KLHL2: variants seen among roughly 807,000 people sequenced by gnomAD.
KLHL2 encodes the protein kelch-like protein 2.
KLHL2 carries 15 observed loss-of-function variants against 75.8 expected under a neutral mutation model. The observed-to-expected ratio is 0.20, with a 90% confidence interval of 0.13 to 0.30. KLHL2 has a LOEUF of 0.30. Among genes scored for constraint, KLHL2 ranks in the 10% least tolerant of loss-of-function variants. The pLI is 1.00. For missense variants in KLHL2, 381 were observed against 741.0 expected (o/e 0.51, Z 5.64); for synonymous variants, 214 against 251.9 (o/e 0.85, Z 1.42).
intron 13 of KLHL2, among the ~76,000 whole-genome samples, chr4:165,315,820 C>T (rs940286924): frequency 5.9e-5 from 9 of 151,862 alleles, no homozygotes; most frequent in East Asian, 1.9e-4. Flanking sequence ...CAATGTTAAG[C>T]GGGGAGAGGT....
chr4:165,209,951 C>A, intron 1 of KLHL2: 1 of 1,400,656 alleles, frequency 7.1e-7, no homozygotes, highest in Non-Finnish European at 9.4e-7. Context: ...ATCCCTCCAC[C>A]ATGGATCCCG....
chr4:165,300,646 G>A (rs1373968478), intron 8 of KLHL2, among the ~76,000 whole-genome samples: 1 of 152,050 alleles, frequency 6.6e-6, no homozygotes, highest in African/African-American at 2.4e-5. Flanking sequence ...AATTCCTTCT[G>A]CTCTGTTTAC....
At chr4:165,294,010 G>T (rs1028618703) in intron 5 of KLHL2, among the ~76,000 whole-genome samples, 4 of 152,016 alleles carry the variant, frequency 2.6e-5, no homozygotes, top group Non-Finnish European at 4.4e-5. Context: ...TAATCAAAAG[G>T]TTTTACAAAT....
intron 11 of KLHL2, among the ~76,000 whole-genome samples, chr4:165,312,689 T>A (rs1406880424): frequency 6.6e-6 from 1 of 152,246 alleles, no homozygotes; most frequent in African/African-American, 2.4e-5. Flanking sequence ...GTCTACTTTC[T>A]ATCACTTAGA....
At chr4:165,259,250 G>A (rs1741451075) in intron 4 of KLHL2, among the ~76,000 whole-genome samples, 1 of 151,944 alleles carries the variant, frequency 6.6e-6, no homozygotes, top group Non-Finnish European at 1.5e-5. Flanking sequence ...TTACAGGTGT[G>A]CACCACCATG....
chr4:165,254,110 T>C (rs1417056313), intron 4 of KLHL2, among the ~76,000 whole-genome samples: 1 of 152,268 alleles, frequency 6.6e-6, no homozygotes, highest in East Asian at 1.9e-4. Context: ...TCGTTCTGTT[T>C]GTGTCAACAT....
At chr4:165,224,380 G>A (rs866830636) in intron 2 of KLHL2, among the ~76,000 whole-genome samples, 1 of 152,064 alleles carries the variant, frequency 6.6e-6, no homozygotes, top group African/African-American at 2.4e-5. Flanking sequence ...AGTTGAAAGT[G>A]TTCAGTAAGG....
intron 5 of KLHL2, among the ~76,000 whole-genome samples, chr4:165,267,036 A>T (rs557860851): frequency 6.6e-6 from 1 of 152,118 alleles, no homozygotes; most frequent in Admixed American, 6.5e-5. Flanking sequence ...GGTCCTTCAT[A>T]TCCCTTGTAA....
intron 8 of KLHL2, among the ~76,000 whole-genome samples, chr4:165,304,409 C>G (rs1442277796): frequency 1.3e-5 from 2 of 152,096 alleles, no homozygotes; most frequent in African/African-American, 4.8e-5. Flanking sequence ...CAAATCTCCT[C>G]TTTTTGTGTA....
chr4:165,272,463 C>A (rs1448169065), intron 5 of KLHL2, among the ~76,000 whole-genome samples: 1 of 152,182 alleles, frequency 6.6e-6, no homozygotes, highest in Non-Finnish European at 1.5e-5. Flanking sequence ...ATTAGGAAAA[C>A]CAAGAAAGCT....
intron 5 of KLHL2, chr4:165,279,689 G>A: frequency 6.5e-7 from 1 of 1,538,796 alleles, no homozygotes; most frequent in South Asian, 1.1e-5. Context: ...CGGTTTCCTG[G>A]GTGACGGCGG....
At chr4:165,262,837 C>T (rs929287358) in intron 4 of KLHL2, among the ~76,000 whole-genome samples, 2 of 152,128 alleles carry the variant, frequency 1.3e-5, no homozygotes, top group Non-Finnish European at 2.9e-5. Flanking sequence ...TCTTGGCCTC[C>T]CAAAGTGCCG....
chr4:165,278,616 C>T, intron 5 of KLHL2: 2 of 1,589,254 alleles, frequency 1.3e-6, no homozygotes, highest in East Asian at 2.2e-5. Context: ...TTTTCAATTT[C>T]TTCTGAGGTC....
At chr4:165,251,016 A>G (rs1355101089) in intron 4 of KLHL2, among the ~76,000 whole-genome samples, 2 of 152,204 alleles carry the variant, frequency 1.3e-5, no homozygotes, top group South Asian at 2.1e-4. Context: ...AGCAGTGTCT[A>G]TGGAAGGCTT....
In KLHL2 at chr4:165,322,940, T is replaced by C. The variant is rs915049790; in HGVS notation, c.*880T>C. 6.6e-6 allele frequency: 1 copy of C among 152,614 alleles called. No individual in the cohort carries two copies. Among genetic ancestry groups the C allele is most frequent in the African/African-American group, 2.4e-5 (1 of 41,450 alleles). The allele number at this position is 152,614 out of a possible 1,614,324, so 9.5% of individuals were successfully genotyped here. ...GCAGGTTTTTGATGAATATAATGAA[T>C]GTATGGAATTCAATTGAATTTGCAT... On this transcript the variant is annotated 3_prime_UTR_variant, in exon 15 of 15. Coordinates refer to ENST00000226725, the MANE Select transcript of KLHL2 (RefSeq NM_007246.4).
chr4:165,274,754 G>T (rs1397088904), intron 5 of KLHL2, among the ~76,000 whole-genome samples: 1 of 152,164 alleles, frequency 6.6e-6, no homozygotes, highest in Non-Finnish European at 1.5e-5. Flanking sequence ...AATTGTACAG[G>T]TATAATGAAA....
At chr4:165,225,164 T>C (rs1368610990) in intron 2 of KLHL2, among the ~76,000 whole-genome samples, 1 of 152,234 alleles carries the variant, frequency 6.6e-6, no homozygotes, top group South Asian at 2.1e-4. Flanking sequence ...TTGAGTTTTA[T>C]ATTAAGCCTA....
At chr4:165,259,024 A>G (rs2111212249) in intron 4 of KLHL2, among the ~76,000 whole-genome samples, 1 of 152,342 alleles carries the variant, frequency 6.6e-6, no homozygotes, top group East Asian at 1.9e-4. Context: ...TTACTTGAGA[A>G]GGAATGTTTA....
intron 4 of KLHL2, among the ~76,000 whole-genome samples, chr4:165,240,186 C>G (rs1158476229): frequency 6.6e-6 from 1 of 152,162 alleles, no homozygotes; most frequent in Non-Finnish European, 1.5e-5. Context: ...TTCCTTCTAA[C>G]AGGGACACTG....
Sources: allele counts gnomAD v4.1 joint callset (sites outside exome capture counted in the v4.1 genomes callset), GRCh38; gene constraint gnomAD v4.1.1; transcripts MANE v1.5; gene names NCBI Gene and HGNC (gene_info 2026-07-23, HGNC 2026-07-21).